Variants in RAPGEF2 observed in about 807,000 individuals in gnomAD.
RAPGEF2 encodes PDZ domain containing guanine nucleotide exchange factor (GEF) 1.
RAPGEF2 carries 54 observed loss-of-function variants against 186.7 expected under a neutral mutation model. The observed-to-expected ratio is 0.29, with a 90% CI of 0.23 to 0.36. The LOEUF is 0.36. Among genes scored for constraint, RAPGEF2 ranks in the 10% least tolerant of loss-of-function variants. The pLI is 1.00. For missense variants in RAPGEF2, 1,532 were observed against 2,045.0 expected (o/e 0.75, Z 4.84); for synonymous variants, 712 against 705.9 (o/e 1.01, Z -0.14).
rs949798675 is a variant in RAPGEF2 at position 159,171,689 on chromosome 4, T to A, written c.70-14953T>A. 3.3e-5 allele frequency among the ~76,000 whole-genome samples: 5 copies of A among 152,058 alleles called. No homozygotes were observed. In the East Asian group the frequency reaches 9.6e-4, roughly 29 times the overall value. On this transcript the variant is annotated intron_variant, in intron 1 of 29. Coordinates refer to ENST00000691494, the MANE Select transcript of RAPGEF2 (RefSeq NM_001394067.2). ...GTAAAAGGAGTGTCTCTTAAATTTT[T>A]TTTTTTAAGAATCTTTCATGGGATA...
At chr4:159,299,086 C>T (rs1480171382) in intron 7 of RAPGEF2, among the ~76,000 whole-genome samples, 1 of 152,148 alleles carries the variant, frequency 6.6e-6, no homozygotes, top group East Asian at 1.9e-4. Flanking sequence ...AAAACCCTGA[C>T]AATGATATGG....
intron 4 of RAPGEF2, among the ~76,000 whole-genome samples, chr4:159,235,792 GT>G (rs1336431586): frequency 6.6e-6 from 1 of 152,120 alleles, no homozygotes; most frequent in African/African-American, 2.4e-5. Flanking sequence ...TGTATTTACT[GT>G]TTCAAAGAAT....
At chr4:159,233,310 C>G (rs1752851644) in intron 4 of RAPGEF2, among the ~76,000 whole-genome samples, 2 of 152,118 alleles carry the variant, frequency 1.3e-5, no homozygotes, top group African/African-American at 4.8e-5. Flanking sequence ...CTTGTTGATT[C>G]ATTTTGAGTT....
chr4:159,342,553 A>AATT, intron 20 of RAPGEF2, among the ~76,000 whole-genome samples: 1 of 71,962 alleles, frequency 1.4e-5, no homozygotes, highest in Non-Finnish European at 2.9e-5. Flanking sequence ...TTTATTTTAT[A>AATT]TTATTTTATT....
chr4:159,223,582 A>T lies in RAPGEF2; in HGVS notation c.281+12999A>T, dbSNP rs142378294. Among the ~76,000 whole-genome samples the T allele has an allele frequency of 6.9e-3, 1,051 of 152,320 alleles. 17 individuals are homozygous for T. Among genetic ancestry groups the T allele is most frequent in the African/African-American group, 0.024 (989 of 41,566 alleles). The stretch of plus-strand genomic sequence containing the variant: ...AATTTAGAAAACAGTCATTAGGCAG[A>T]CTTAATTCAGTTTTACACACAGAAA... On this transcript the variant is annotated intron_variant, in intron 4 of 29. Transcript: ENST00000691494.
intron 4 of RAPGEF2, among the ~76,000 whole-genome samples, chr4:159,216,961 T>A (rs1751047524): frequency 6.6e-6 from 1 of 152,134 alleles, no homozygotes; most frequent in Non-Finnish European, 1.5e-5. Flanking sequence ...TCATTATGAT[T>A]CTCGTGACAA....
At chr4:159,251,854 CCG>C (rs1755455152) in intron 7 of RAPGEF2, among the ~76,000 whole-genome samples, 1 of 151,722 alleles carries the variant, frequency 6.6e-6, no homozygotes, top group Non-Finnish European at 1.5e-5. Context: ...CAGTTTGCCG[CCG>C]CGATCTGCTT....
chr4:159,146,248 A>G (rs180760034), intron 1 of RAPGEF2, among the ~76,000 whole-genome samples: 2 of 152,296 alleles, frequency 1.3e-5, no homozygotes, highest in African/African-American at 4.8e-5. Context: ...AAAAGCAACA[A>G]AAAGTGGAAT....
At chr4:159,189,617 T>C (rs1374471746) in intron 2 of RAPGEF2, among the ~76,000 whole-genome samples, 1 of 152,220 alleles carries the variant, frequency 6.6e-6, no homozygotes, top group African/African-American at 2.4e-5. Flanking sequence ...ATTGTTACTA[T>C]ATAGGCGCCT....
At chr4:159,342,572 TTTTA>T (rs1332336868) in intron 20 of RAPGEF2, among the ~76,000 whole-genome samples, 1 of 140,146 alleles carries the variant, frequency 7.1e-6, no homozygotes, top group African/African-American at 2.7e-5. Context: ...TTTTATTTTA[TTTTA>T]TTTTATTTTA....
At chr4:159,219,414 G>A (rs1275067358) in intron 4 of RAPGEF2, among the ~76,000 whole-genome samples, 1 of 140,376 alleles carries the variant, frequency 7.1e-6, no homozygotes, top group Non-Finnish European at 1.5e-5. Context: ...GGAGTGCAGT[G>A]GTGCGATCTG....
At chr4:159,315,860 G>C (rs933226076) in intron 9 of RAPGEF2, among the ~76,000 whole-genome samples, 2 of 152,188 alleles carry the variant, frequency 1.3e-5, no homozygotes, top group East Asian at 3.8e-4. Flanking sequence ...GACGGACTAG[G>C]AGCGTGACCA....
rs74810515 is a variant in RAPGEF2, at chr4:159,186,511, T to G, written c.70-131T>G. On this transcript the variant is annotated intron_variant, in intron 1 of 29. Transcript: ENST00000691494. ...AGCTTTTAATAATGTTTATTTTTACTGTCTTAAGAAAACATGTATTTTTAA... is the reference window on the plus strand; with the variant it reads ...AGCTTTTAATAATGTTTATTTTTACGGTCTTAAGAAAACATGTATTTTTAA... The G allele has an allele frequency of 5.6e-3, 2,515 of 449,400 alleles. 52 individuals are homozygous for G. The highest frequency in any genetic ancestry group is 0.047 in the African/African-American group (2,297 of 49,302). 27.8% of individuals were successfully genotyped at this position (449,400 alleles called of 1,614,324 possible). A position where few individuals can be genotyped will look rare whatever the true frequency, so the allele number is the denominator to read the frequency against.
intron 7 of RAPGEF2, among the ~76,000 whole-genome samples, chr4:159,258,176 T>C (rs1281007562): frequency 1.3e-5 from 2 of 152,196 alleles, no homozygotes; most frequent in Non-Finnish European, 2.9e-5. Context: ...AATTTCAAAG[T>C]GTAACTAAAA....
intron 9 of RAPGEF2, among the ~76,000 whole-genome samples, chr4:159,316,785 C>A (rs998882182): frequency 4.6e-5 from 7 of 152,232 alleles, no homozygotes; most frequent in African/African-American, 1.7e-4. Context: ...TTTAAGTGTA[C>A]CCAGAGGTTA....
intron 8 of RAPGEF2, among the ~76,000 whole-genome samples, chr4:159,310,909 T>C (rs2111089350): frequency 6.6e-6 from 1 of 152,306 alleles, no homozygotes; most frequent in Non-Finnish European, 1.5e-5. Context: ...GTTATGTTCA[T>C]AGGCAAATAT....
chr4:159,270,488 T>G (rs1213616971), intron 7 of RAPGEF2, among the ~76,000 whole-genome samples: 2 of 152,212 alleles, frequency 1.3e-5, no homozygotes, highest in Non-Finnish European at 2.9e-5. Flanking sequence ...TGGCTTTGCT[T>G]CTTTGACTGC....
At chr4:159,316,509 C>T (rs921832567) in intron 9 of RAPGEF2, among the ~76,000 whole-genome samples, 10 of 152,082 alleles carry the variant, frequency 6.6e-5, no homozygotes, top group African/African-American at 2.2e-4. Context: ...TGTTGTTCCC[C>T]TCTGTGTGTT....
chr4:159,150,778 C>T (rs1003258902), intron 1 of RAPGEF2, among the ~76,000 whole-genome samples: 15 of 152,266 alleles, frequency 9.9e-5, no homozygotes, highest in Admixed American at 7.8e-4. Flanking sequence ...TTCACGAATA[C>T]GGAATCCTTG....
Sources: allele counts gnomAD v4.1 joint callset (sites outside exome capture counted in the v4.1 genomes callset), GRCh38; gene constraint gnomAD v4.1.1; transcripts MANE v1.5; gene names NCBI Gene and HGNC (gene_info 2026-07-23, HGNC 2026-07-21).